The following DCC variants were observed in gnomAD, a reference collection of about 807,000 sequenced individuals.
DCC encodes the protein netrin receptor DCC.
Under a neutral mutation model 172.5 loss-of-function variants are expected in DCC, and 58 were observed. That is an observed-to-expected ratio of 0.34 (90% CI 0.27 to 0.42). DCC has a LOEUF of 0.42. Among genes scored for constraint, DCC ranks in the 10% least tolerant of loss-of-function variants. The probability of loss-of-function intolerance (pLI) is 1.00; values close to 1 mark genes in which losing one functional copy is unlikely to be tolerated. For synonymous variants in DCC, 709 were observed against 644.5 expected (o/e 1.10, Z -1.52); for missense variants, 1,740 against 1,791.0 (o/e 0.97, Z 0.51).
At chr18:52,683,906 T>C (rs1306555916) in intron 1 of DCC, among the ~76,000 whole-genome samples, 3 of 152,118 alleles carry the variant, frequency 2.0e-5, no homozygotes, top group Non-Finnish European at 4.4e-5. Context: ...AATGGAATCC[T>C]CGTATGCAAA....
At chr18:53,471,231 C>A (rs1349923830) in intron 25 of DCC, among the ~76,000 whole-genome samples, 1 of 152,130 alleles carries the variant, frequency 6.6e-6, no homozygotes, top group East Asian at 1.9e-4. Flanking sequence ...TTGATACAAG[C>A]ATGCAATATG....
At chr18:53,055,502 T>A (rs1210821432) in intron 5 of DCC, among the ~76,000 whole-genome samples, 3 of 152,148 alleles carry the variant, frequency 2.0e-5, no homozygotes, top group East Asian at 1.9e-4. Context: ...GAAATCCATT[T>A]TTCTAGTACA....
chr18:52,508,630 T>C (rs1322871807), intron 1 of DCC, among the ~76,000 whole-genome samples: 1 of 152,180 alleles, frequency 6.6e-6, no homozygotes, highest in Non-Finnish European at 1.5e-5. Flanking sequence ...TCAGGAAGTG[T>C]TCAGATTTAG....
At chr18:52,794,325 C>T (rs959616803) in intron 2 of DCC, among the ~76,000 whole-genome samples, 6 of 151,480 alleles carry the variant, frequency 4.0e-5, no homozygotes, top group Non-Finnish European at 7.4e-5. Flanking sequence ...CTTGTGTCTT[C>T]AATTTCTTTC....
intron 1 of DCC, among the ~76,000 whole-genome samples, chr18:52,546,659 T>TATCATC (rs3086379): frequency 0.025 from 3,765 of 150,276 alleles, 75 homozygotes; most frequent in Admixed American, 0.06. Context: ...TCAATAATAA[T>TATCATC]ATCATCATCA....
intron 5 of DCC, among the ~76,000 whole-genome samples, chr18:53,044,309 A>G (rs1386810894): frequency 6.6e-6 from 1 of 151,898 alleles, no homozygotes; most frequent in South Asian, 2.1e-4. Flanking sequence ...TTCAGGAATC[A>G]TGAAGTGACT....
At chr18:53,006,582 G>A (rs924779106) in intron 5 of DCC, among the ~76,000 whole-genome samples, 2 of 152,138 alleles carry the variant, frequency 1.3e-5, no homozygotes, top group African/African-American at 2.4e-5. Context: ...AGAATCCCAC[G>A]TGAATGCTAA....
chr18:53,002,672 T>G (rs2143848095), intron 5 of DCC, among the ~76,000 whole-genome samples: 1 of 151,682 alleles, frequency 6.6e-6, no homozygotes, highest in Middle Eastern at 3.4e-3. Context: ...ATTTATTTTA[T>G]TATACTTTAA....
At chr18:52,591,286 A>G (rs1406101036) in intron 1 of DCC, among the ~76,000 whole-genome samples, 1 of 152,188 alleles carries the variant, frequency 6.6e-6, no homozygotes, top group African/African-American at 2.4e-5. Context: ...AATCTTTACT[A>G]CAATTAAAAA....
At chr18:53,403,365 T>C (rs1909446976) in intron 19 of DCC, among the ~76,000 whole-genome samples, 1 of 152,180 alleles carries the variant, frequency 6.6e-6, no homozygotes, top group East Asian at 1.9e-4. Context: ...TTTTAGCTTC[T>C]TACTTAAATC....
chr18:52,403,690 T>C (rs375608816), intron 1 of DCC, among the ~76,000 whole-genome samples: 1 of 152,006 alleles, frequency 6.6e-6, no homozygotes, highest in Non-Finnish European at 1.5e-5. Context: ...GAGGAGGCAA[T>C]GCCTTAGTGC....
At chr18:52,954,236 A>C (rs2040704516) in intron 5 of DCC, among the ~76,000 whole-genome samples, 4 of 152,208 alleles carry the variant, frequency 2.6e-5, no homozygotes. Flanking sequence ...TTAAGCCTAG[A>C]AAATATTAAC....
chr18:52,408,722 C>A (rs1986742004), intron 1 of DCC, among the ~76,000 whole-genome samples: 1 of 152,096 alleles, frequency 6.6e-6, no homozygotes, highest in African/African-American at 2.4e-5. Context: ...AATATAATTT[C>A]ATACCCTAAG....
chr18:52,419,506 T>C (rs1346407345), intron 1 of DCC: 2 of 152,184 alleles, frequency 1.3e-5, no homozygotes, highest in African/African-American at 4.8e-5. Context: ...GTCATGTGTT[T>C]GAGAATCAAA....
chr18:52,505,198 C>T (rs192308203), intron 1 of DCC, among the ~76,000 whole-genome samples: 5 of 143,976 alleles, frequency 3.5e-5, no homozygotes, highest in African/African-American at 1.3e-4. Flanking sequence ...CTGCCCCTAA[C>T]TGGATTTCAG....
At chr18:53,185,904 C>T (rs1442251148) in intron 9 of DCC, among the ~76,000 whole-genome samples, 2 of 152,210 alleles carry the variant, frequency 1.3e-5, no homozygotes, top group African/African-American at 4.8e-5. Context: ...GCCACAGAAT[C>T]TAGACCTGAA....
intron 27 of DCC, among the ~76,000 whole-genome samples, chr18:53,500,826 C>T (rs1401233344): frequency 6.6e-6 from 1 of 151,940 alleles, no homozygotes; most frequent in Non-Finnish European, 1.5e-5. Context: ...GCCCTTCTCA[C>T]CCCAGCAAAG....
intron 8 of DCC, 72 bp from the exon 9 acceptor site, chr18:53,178,890 C>A: frequency 6.4e-7 from 1 of 1,550,430 alleles, no homozygotes; most frequent in Non-Finnish European, 8.9e-7. Context: ...ACTACTCTTG[C>A]ACATCAAATA....
intron 1 of DCC, among the ~76,000 whole-genome samples, chr18:52,580,259 G>GTTTGT (rs975702364): frequency 9.9e-5 from 15 of 152,106 alleles, no homozygotes; most frequent in African/African-American, 2.7e-4. Context: ...CTTTTGTTTT[G>GTTTGT]TTTGTTTTGT....
Sources: allele counts gnomAD v4.1 joint callset (sites outside exome capture counted in the v4.1 genomes callset), GRCh38; gene constraint gnomAD v4.1.1; transcripts MANE v1.5; gene names NCBI Gene and HGNC (gene_info 2026-07-23, HGNC 2026-07-21).